GNAI1: variants seen among roughly 807,000 people sequenced by gnomAD.
GNAI1 encodes G protein subunit alpha i1, also known as guanine nucleotide-binding protein G(i) subunit alpha-1.
A neutral mutation model predicts 38.9 loss-of-function variants in GNAI1; 11 were observed. That is an observed-to-expected ratio of 0.28 (90% CI 0.18 to 0.47). The LOEUF (loss-of-function observed/expected upper bound fraction) is 0.47. Ranked by LOEUF, GNAI1 falls within the 20% of genes least tolerant of loss-of-function variation. The probability of loss-of-function intolerance (pLI) is 0.99; values close to 1 mark genes in which losing one functional copy is unlikely to be tolerated. For missense variants in GNAI1, 317 were observed against 436.9 expected (o/e 0.73, Z 2.45); for synonymous variants, 166 against 145.1 (o/e 1.14, Z -1.04).
At chr7:80,145,853 A>G (rs753009471) in intron 1 of GNAI1, among the ~76,000 whole-genome samples, 3 of 151,846 alleles carry the variant, frequency 2.0e-5, no homozygotes, top group Non-Finnish European at 2.9e-5. Flanking sequence ...TTTCCTTTCA[A>G]TCTCGTGGAT....
intron 1 of GNAI1, among the ~76,000 whole-genome samples, chr7:80,145,294 T>A (rs1186477488): frequency 6.6e-6 from 1 of 152,224 alleles, no homozygotes; most frequent in Non-Finnish European, 1.5e-5. Context: ...ATTGACTTTC[T>A]GATTGATATA....
At position 80,218,990 on chromosome 7, in the gene GNAI1, T is replaced by G. The variant is rs1385681488; in HGVS notation, c.*1497T>G. The G allele has an allele frequency of 6.6e-6, 1 of 152,158 alleles. No individual in the cohort carries two copies. The highest frequency in any genetic ancestry group is 2.4e-5 in the African/African-American group (1 of 41,278). The allele number at this position is 152,158 out of a possible 1,614,324, so 9.4% of individuals were successfully genotyped here. ...TTCAGTACACGTTGCTGGTAAGTAG[T>G]TTCCAAGTTACGTGTTGTCACTGGG... is the stretch of plus-strand genomic sequence containing the variant. On this transcript the variant is annotated 3_prime_UTR_variant, in exon 8 of 8. Transcript: ENST00000649796.
rs151196929 is a variant in GNAI1, at chr7:80,156,375, G to A, written c.118+21097G>A. Among the ~76,000 whole-genome samples, 480 of 152,146 alleles carry A rather than the reference G, an allele frequency of 3.2e-3. 3 individuals carry two copies. The highest frequency in any genetic ancestry group is 0.011 in the African/African-American group (439 of 41,534). ...TTTTGCAAGGTGAATCAAACACCCCGAGTGTATGTTATGTTGTGTTATGTC... is the reference window on the plus strand; with the variant it reads ...TTTTGCAAGGTGAATCAAACACCCCAAGTGTATGTTATGTTGTGTTATGTC... On this transcript the variant is annotated intron_variant, in intron 1 of 7. Coordinates refer to ENST00000649796, the MANE Select transcript of GNAI1 (RefSeq NM_002069.6).
rs191013586 is a variant in GNAI1, at chr7:80,224,120, C to A, written c.*6627C>A. Among the ~76,000 whole-genome samples the A allele has an allele frequency of 1.2e-3, 185 of 152,138 alleles. No individual in the cohort carries two copies. The highest frequency in any genetic ancestry group is 4.2e-3 in the African/African-American group (174 of 41,498). ...TCATATAGTAAGATTTACTCAAAAC[C>A]ACGAACTCCTCCATTATTTAAAATA... On this transcript the variant is annotated 3_prime_UTR_variant, in exon 8 of 8. Coordinates refer to ENST00000649796, the MANE Select transcript of GNAI1 (RefSeq NM_002069.6).
chr7:80,206,348 T>C (rs1449650646), intron 5 of GNAI1, among the ~76,000 whole-genome samples: 3 of 151,684 alleles, frequency 2.0e-5, no homozygotes, highest in Non-Finnish European at 4.4e-5. Context: ...TTATTTTCAT[T>C]TTTTTCTTAA....
intron 1 of GNAI1, among the ~76,000 whole-genome samples, chr7:80,177,276 C>A (rs1289931278): frequency 6.6e-6 from 1 of 151,942 alleles, no homozygotes; most frequent in Non-Finnish European, 1.5e-5. Flanking sequence ...GTGATCCACC[C>A]GCCTCAGCCT....
At chr7:80,153,223 A>C (rs1483599464) in intron 1 of GNAI1, among the ~76,000 whole-genome samples, 1 of 152,188 alleles carries the variant, frequency 6.6e-6, no homozygotes, top group Non-Finnish European at 1.5e-5. Context: ...TGTCATAGAT[A>C]GTCTTCAAGA....
chr7:80,178,441 T>G (rs1788231306), intron 1 of GNAI1, among the ~76,000 whole-genome samples: 1 of 152,106 alleles, frequency 6.6e-6, no homozygotes, highest in African/African-American at 2.4e-5. Context: ...GTAGAGTCAG[T>G]CAGTGCAGCA....
intron 1 of GNAI1, among the ~76,000 whole-genome samples, chr7:80,140,916 A>T (rs188992101): frequency 6.6e-6 from 1 of 152,162 alleles, no homozygotes; most frequent in Non-Finnish European, 1.5e-5. Context: ...TTTCAGCTCT[A>T]CAGAGGCTGC....
In GNAI1 at chr7:80,187,741, C is replaced by G. The variant is rs1788413500; in HGVS notation, c.119-1210C>G. ...TCCTCCAGGATATTGTAGTATTGGC[C>G]AAAGAGTATGTGAAGCCAAATGATA... On this transcript the variant is annotated intron_variant, in intron 1 of 7. Transcript: ENST00000649796. Among the ~76,000 whole-genome samples, 4 of 152,216 alleles carry G rather than the reference C, an allele frequency of 2.6e-5. No individual in the cohort carries two copies. The South Asian group carries it at 8.3e-4, about 32-fold the overall frequency.
chr7:80,154,476 T>A (rs1177599935), intron 1 of GNAI1, among the ~76,000 whole-genome samples: 2 of 152,010 alleles, frequency 1.3e-5, no homozygotes. Flanking sequence ...CTGGAAAGAG[T>A]GGCAGGAATG....
intron 1 of GNAI1, among the ~76,000 whole-genome samples, chr7:80,146,787 C>A (rs1388843656): frequency 3.3e-5 from 5 of 152,178 alleles, no homozygotes; most frequent in African/African-American, 1.2e-4. Flanking sequence ...CTGGCCTTTG[C>A]CACATTCATG....
chr7:80,146,443 T>C (rs538444267), intron 1 of GNAI1, among the ~76,000 whole-genome samples: 2 of 152,348 alleles, frequency 1.3e-5, no homozygotes, highest in African/African-American at 4.8e-5. Flanking sequence ...CATTCTCTAT[T>C]GTGTCTGGCT....
chr7:80,145,024 T>C (rs1787594066), intron 1 of GNAI1, among the ~76,000 whole-genome samples: 4 of 152,188 alleles, frequency 2.6e-5, no homozygotes. Context: ...CCTCCATCAA[T>C]TCGTCCTCTC....
chr7:80,184,027 G>C (rs1788346448), intron 1 of GNAI1, among the ~76,000 whole-genome samples: 1 of 152,020 alleles, frequency 6.6e-6, no homozygotes, highest in Non-Finnish European at 1.5e-5. Context: ...CATATTTGCT[G>C]TCAGAGATGC....
intron 3 of GNAI1, among the ~76,000 whole-genome samples, chr7:80,189,948 T>C (rs1788452372): frequency 1.3e-5 from 2 of 152,008 alleles, no homozygotes; most frequent in Admixed American, 1.3e-4. Flanking sequence ...TTTTCTTTTT[T>C]TTTCTCTTAT....
chr7:80,214,808 CTTCACCAGT>C (rs1788932796), intron 7 of GNAI1, among the ~76,000 whole-genome samples: 1 of 152,186 alleles, frequency 6.6e-6, no homozygotes, highest in African/African-American at 2.4e-5. Flanking sequence ...TATGTTGCCA[CTTCACCAGT>C]TTCATCTGCA....
In GNAI1 at chr7:80,210,851, C is replaced by T. The variant is rs111757271; in HGVS notation, c.591-118C>T. The T allele has an allele frequency of 1.1e-5, 8 of 741,654 alleles. No individual in the cohort carries two copies. In the African/African-American group the frequency reaches 1.1e-4, roughly 10 times the overall value. The allele number at this position is 741,654 out of a possible 1,614,324, so 45.9% of individuals were successfully genotyped here. ...TTTTTCTCCCATAAAGTCCTTCTCTCCTTCCTTTTCATCAGACATTTCCAC... is the reference window on the plus strand; with the variant it reads ...TTTTTCTCCCATAAAGTCCTTCTCTTCTTCCTTTTCATCAGACATTTCCAC... On this transcript the variant is annotated intron_variant, in intron 5 of 7. Transcript: ENST00000649796.
chr7:80,152,465 A>G (rs562580586), intron 1 of GNAI1, among the ~76,000 whole-genome samples: 1 of 152,118 alleles, frequency 6.6e-6, no homozygotes, highest in East Asian at 1.9e-4. Flanking sequence ...AGTTATGCAT[A>G]TCCATTGAAA....
Sources: allele counts gnomAD v4.1 joint callset (sites outside exome capture counted in the v4.1 genomes callset), GRCh38; gene constraint gnomAD v4.1.1; transcripts MANE v1.5; gene names NCBI Gene and HGNC (gene_info 2026-07-23, HGNC 2026-07-21).